The following CELF1 variants were observed in gnomAD, a reference collection of about 807,000 sequenced individuals.
CELF1 encodes the protein 50 kDa nuclear polyadenylated RNA-binding protein.
In CELF1, 10 loss-of-function variants were observed where a neutral mutation model predicts 61.8. That is an observed-to-expected ratio of 0.16 (90% CI 0.10 to 0.27). The LOEUF (loss-of-function observed/expected upper bound fraction) is 0.27, where lower values mean the gene tolerates loss of function less well. Ranked by LOEUF, CELF1 falls within the 10% of genes least tolerant of loss-of-function variation. The pLI is 1.00. For synonymous variants in CELF1, 236 were observed against 225.1 expected (o/e 1.05, Z -0.43); for missense variants, 380 against 639.1 (o/e 0.59, Z 4.37).
rs75005130 is a variant in CELF1 at position 47,484,588 on chromosome 11, G to C, written c.392-65C>G. 11,765 of 1,459,076 alleles carry C rather than the reference G, an allele frequency of 8.1e-3. 774 individuals carry two copies. The African/African-American group carries it at 0.15, about 18-fold the overall frequency. The allele number at this position is 1,459,076 out of a possible 1,614,324, so 90.4% of individuals were successfully genotyped here. On this transcript the variant is annotated intron_variant, in intron 6 of 14. Coordinates refer to ENST00000687097, the MANE Select transcript of CELF1 (RefSeq NM_001376376.1). The stretch of plus-strand genomic sequence containing the variant: ...TAAAGAGGCAATGTGGCACAGATTT[G>C]GGAGCCAGACCGCCTGGGTTTGAAT...
At chr11:47,523,798 G>C (rs2096078767) in intron 1 of CELF1, 1 of 152,222 alleles carries the variant, frequency 6.6e-6, no homozygotes, top group Non-Finnish European at 1.5e-5. Flanking sequence ...AAAGGAAACT[G>C]TAAAACAAAG....
At chr11:47,564,053 G>GC (rs2097235683) in intron 2 of CELF1, among the ~76,000 whole-genome samples, 1 of 148,016 alleles carries the variant, frequency 6.8e-6, no homozygotes, top group African/African-American at 2.5e-5. Context: ...TGGGCCGGGC[G>GC]TGTGGCTCAT....
rs1156835900 is a variant in CELF1, at chr11:47,466,392, G to C, written c.*5838C>G. On this transcript the variant is annotated 3_prime_UTR_variant, in exon 15 of 15. Coordinates refer to ENST00000687097, the MANE Select transcript of CELF1 (RefSeq NM_001376376.1). Reference sequence around the variant, plus strand: ...TGAATCCCGTTGTTGCTGCAGAACAGACTGTGCGTTTGGTCATAGTGGCAA... The same window carrying C: ...TGAATCCCGTTGTTGCTGCAGAACACACTGTGCGTTTGGTCATAGTGGCAA... The C allele has an allele frequency of 6.6e-6, 1 of 152,198 alleles. No homozygotes were observed. The highest frequency in any genetic ancestry group is 1.5e-5 in the Non-Finnish European group (1 of 68,040). The allele number at this position is 152,198 out of a possible 1,614,324, so 9.4% of individuals were successfully genotyped here.
intron 3 of CELF1, among the ~76,000 whole-genome samples, chr11:47,496,712 A>G (rs2093173178): frequency 6.6e-6 from 1 of 152,154 alleles, no homozygotes; most frequent in Non-Finnish European, 1.5e-5. Flanking sequence ...GAGAGATGGG[A>G]AAAGTGGGAT....
chr11:47,499,148 T>A (rs1180203655), intron 3 of CELF1, among the ~76,000 whole-genome samples: 1 of 151,936 alleles, frequency 6.6e-6, no homozygotes, highest in Non-Finnish European at 1.5e-5. Flanking sequence ...AAAAAAAAAA[T>A]ACCTTGTAAT....
At chr11:47,473,901 C>CT (rs910868289) in intron 13 of CELF1, among the ~76,000 whole-genome samples, 8 of 90,294 alleles carry the variant, frequency 8.9e-5, no homozygotes, top group Non-Finnish European at 1.6e-4. Flanking sequence ...CAATGATTTT[C>CT]TTTTTTTTTC....
chr11:47,511,908 G>T (rs1408394526), intron 1 of CELF1, among the ~76,000 whole-genome samples: 1 of 152,134 alleles, frequency 6.6e-6, no homozygotes, highest in Non-Finnish European at 1.5e-5. Flanking sequence ...AAGTGAAGTG[G>T]CATGATCTCG....
intron 8 of CELF1, 34 bp downstream of exon 8, chr11:47,483,419 G>A (rs373667005): frequency 1.4e-5 from 22 of 1,560,488 alleles, no homozygotes; most frequent in African/African-American, 1.1e-4. Context: ...TTCCCAAGCT[G>A]AGGAATTTTC....
chr11:47,528,713 C>G (rs540730899), intron 1 of CELF1, among the ~76,000 whole-genome samples: 2 of 152,214 alleles, frequency 1.3e-5, no homozygotes, highest in South Asian at 4.1e-4. Flanking sequence ...GAGACCCCAT[C>G]TCCACAAAAA....
At chr11:47,493,339 T>TA (rs11458910) in intron 3 of CELF1, among the ~76,000 whole-genome samples, 122,904 of 128,006 alleles carry the variant, frequency 0.96, 59,089 homozygotes, top group South Asian at 0.99. Context: ...CGTCCCTACT[T>TA]AAAAAAAAAA....
intron 1 of CELF1, among the ~76,000 whole-genome samples, chr11:47,516,175 G>C (rs1172957926): frequency 6.9e-6 from 1 of 145,402 alleles, no homozygotes; most frequent in African/African-American, 2.5e-5. Flanking sequence ...CTGGGTGACA[G>C]AGCAAGACTC....
intron 1 of CELF1, among the ~76,000 whole-genome samples, chr11:47,516,689 C>T (rs2095573781): frequency 6.6e-6 from 1 of 152,040 alleles, no homozygotes; most frequent in Admixed American, 6.5e-5. Flanking sequence ...CAATCTCTGC[C>T]TCCCAGTTGT....
At chr11:47,519,132 G>C (rs901795992) in intron 1 of CELF1, among the ~76,000 whole-genome samples, 5 of 152,152 alleles carry the variant, frequency 3.3e-5, no homozygotes, top group Non-Finnish European at 7.3e-5. Context: ...GTTCAGCAAA[G>C]CTTGATTCAC....
upstream of CELF1, among the ~76,000 whole-genome samples, chr11:47,555,519 G>C (rs1013455445): frequency 1.4e-4 from 22 of 152,190 alleles, no homozygotes; most frequent in Admixed American, 4.6e-4. Context: ...CAGACTGTTA[G>C]CCCAAGGTTG....
At chr11:47,536,827 C>T (rs183931873) in intron 1 of CELF1, among the ~76,000 whole-genome samples, 9 of 152,108 alleles carry the variant, frequency 5.9e-5, no homozygotes, top group East Asian at 3.9e-4. Flanking sequence ...AGAAATAGCA[C>T]GCAATAAAAA....
chr11:47,532,946 C>A (rs1463945440), intron 1 of CELF1, among the ~76,000 whole-genome samples: 1 of 152,156 alleles, frequency 6.6e-6, no homozygotes, highest in Non-Finnish European at 1.5e-5. Context: ...GTTGTTAATG[C>A]CACACAGTTC....
chr11:47,529,845 G>A (rs1049709280), intron 1 of CELF1, among the ~76,000 whole-genome samples: 1 of 152,002 alleles, frequency 6.6e-6, no homozygotes, highest in Non-Finnish European at 1.5e-5. Context: ...TACTTGGGCA[G>A]GGGACAGGAC....
chr11:47,542,827 C>G (rs567539000), intron 1 of CELF1, among the ~76,000 whole-genome samples: 1 of 151,908 alleles, frequency 6.6e-6, no homozygotes. Flanking sequence ...CTGGACTGTG[C>G]TCATCTTTAG....
intron 1 of CELF1, among the ~76,000 whole-genome samples, chr11:47,510,004 G>A (rs1361154840): frequency 1.3e-5 from 2 of 151,886 alleles, no homozygotes; most frequent in Non-Finnish European, 2.9e-5. Context: ...GGAGGTTGCA[G>A]TGAGCCGAGA....
Sources: allele counts gnomAD v4.1 joint callset (sites outside exome capture counted in the v4.1 genomes callset), GRCh38; gene constraint gnomAD v4.1.1; transcripts MANE v1.5; gene names NCBI Gene and HGNC (gene_info 2026-07-23, HGNC 2026-07-21).